Variants in KIT observed in about 807,000 individuals in gnomAD.
KIT encodes mast/stem cell growth factor receptor Kit.
A neutral mutation model predicts 105.7 loss-of-function variants in KIT; 16 were observed. The ratio of observed to expected loss-of-function variants is 0.15; its 90% CI spans 0.10 to 0.23. The LOEUF (loss-of-function observed/expected upper bound fraction) is 0.23. Among genes scored for constraint, KIT ranks in the 10% least tolerant of loss-of-function variants. The pLI is 1.00. For missense variants in KIT, 858 were observed against 1,213.8 expected (o/e 0.71, Z 4.36); for synonymous variants, 438 against 441.1 (o/e 0.99, Z 0.09).
rs1723169219 is a variant in KIT, at chr4:54,740,274, A to C, written c.*1717A>C. 1 of 233,428 alleles carries C rather than the reference A, an allele frequency of 4.3e-6. No individual in the cohort carries two copies. Among genetic ancestry groups the C allele is most frequent in the Admixed American group, 5.6e-5 (1 of 17,788 alleles). 14.5% of individuals were successfully genotyped at this position (233,428 alleles called of 1,614,324 possible). On this transcript the variant is annotated 3_prime_UTR_variant, in exon 21 of 21. Coordinates refer to ENST00000288135, the MANE Select transcript of KIT (RefSeq NM_000222.3). The stretch of plus-strand genomic sequence containing the variant: ...GATTTTGGGGTTGTGTTGTCACCCA[A>C]GAGATTGTTGTTTGCCATACTTTGT...
At chr4:54,732,024 G>C (rs2109796394) in intron 16 of KIT, 26 bp downstream of exon 16, 9 of 1,204,478 alleles carry the variant, frequency 7.5e-6, no homozygotes, top group Non-Finnish European at 1.1e-5. Context: ...TCTCTAAAGA[G>C]TTTTGTGTTT....
intron 1 of KIT, among the ~76,000 whole-genome samples, chr4:54,693,559 G>A (rs952546497): frequency 6.6e-6 from 1 of 152,064 alleles, no homozygotes; most frequent in Non-Finnish European, 1.5e-5. Context: ...CCCATTACTG[G>A]CCAGGTTGTA....
At chr4:54,699,608 G>A (rs1420437645) in intron 3 of KIT, 22 bp from the exon 4 acceptor site, 5 of 1,613,358 alleles carry the variant, frequency 3.1e-6, no homozygotes, top group Non-Finnish European at 4.2e-6. Context: ...TATTTGAGGG[G>A]CCACATTTCT....
chr4:54,686,075 T>G (rs1397550091), intron 1 of KIT, among the ~76,000 whole-genome samples: 2 of 152,218 alleles, frequency 1.3e-5, no homozygotes, highest in Non-Finnish European at 2.9e-5. Context: ...GTTACACAAG[T>G]GCTTGCTTTG....
chr4:54,684,170 T>A (rs890299469), intron 1 of KIT, among the ~76,000 whole-genome samples: 13 of 137,802 alleles, frequency 9.4e-5, no homozygotes, highest in Non-Finnish European at 1.4e-4. Context: ...CACAGAGGTG[T>A]GTGGGTGGGG....
intron 1 of KIT, among the ~76,000 whole-genome samples, chr4:54,689,674 T>G (rs1719557103): frequency 6.6e-6 from 1 of 152,200 alleles, no homozygotes; most frequent in Admixed American, 6.5e-5. Context: ...TAGCCGGGCC[T>G]TAAAGAATTG....
intron 1 of KIT, among the ~76,000 whole-genome samples, chr4:54,658,986 A>G (rs2855778): frequency 0.66 from 100,127 of 151,992 alleles, 34,413 homozygotes; most frequent in African/African-American, 0.87. Flanking sequence ...CCCTGACTCC[A>G]ACCGCCTAGC....
intron 1 of KIT, among the ~76,000 whole-genome samples, chr4:54,659,827 G>A (rs866029204): frequency 6.6e-6 from 1 of 152,098 alleles, no homozygotes; most frequent in Non-Finnish European, 1.5e-5. Flanking sequence ...AAGAATCAAT[G>A]GTTTTCTTCT....
intron 7 of KIT, among the ~76,000 whole-genome samples, chr4:54,721,843 A>G (rs1721899691): frequency 6.6e-6 from 1 of 152,260 alleles, no homozygotes; most frequent in Non-Finnish European, 1.5e-5. Context: ...GGGTTAAAAT[A>G]TACACCTTAT....
intron 1 of KIT, among the ~76,000 whole-genome samples, chr4:54,689,426 G>T (rs1719541835): frequency 6.6e-6 from 1 of 152,224 alleles, no homozygotes; most frequent in South Asian, 2.1e-4. Flanking sequence ...GGCAGGGTCA[G>T]TGTGGTTTAA....
At chr4:54,722,865 GTATATATATT>G (rs1721975348) in intron 7 of KIT, among the ~76,000 whole-genome samples, 1 of 100,464 alleles carries the variant, frequency 1.0e-5, no homozygotes, top group Non-Finnish European at 1.9e-5. Flanking sequence ...TTATATATAT[GTATATATATT>G]TATATATATG....
At chr4:54,716,844 C>G (rs1721536237) in intron 7 of KIT, among the ~76,000 whole-genome samples, 1 of 152,166 alleles carries the variant, frequency 6.6e-6, no homozygotes, top group Non-Finnish European at 1.5e-5. Context: ...CTTTCATGCT[C>G]TGTGTCTTCA....
intron 2 of KIT, among the ~76,000 whole-genome samples, chr4:54,696,571 G>C (rs1045767042): frequency 1.3e-5 from 2 of 152,212 alleles, no homozygotes; most frequent in African/African-American, 4.8e-5. Flanking sequence ...CTTATCCATG[G>C]TATTGTGAAT....
Position 54,688,384 on chromosome 4 carries a change from C to A in KIT, c.68-7128C>A, listed in dbSNP as rs549403614. Among the ~76,000 whole-genome samples, 4 of 152,154 alleles carry A rather than the reference C, an allele frequency of 2.6e-5. No individual in the cohort carries two copies. In the East Asian group the frequency reaches 7.7e-4, roughly 29 times the overall value. The stretch of plus-strand genomic sequence containing the variant: ...GTTGAACTACAATGCACAGGCTCTG[C>A]CCCAGTCACAGTTCTTCCTGCTCTA... On this transcript the variant is annotated intron_variant, in intron 1 of 20. Transcript: ENST00000288135.
chr4:54,671,822 C>A (rs1718127108), intron 1 of KIT, among the ~76,000 whole-genome samples: 1 of 152,032 alleles, frequency 6.6e-6, no homozygotes, highest in African/African-American at 2.4e-5. Flanking sequence ...GTAATGAACC[C>A]TCATATAACC....
chr4:54,715,843 A>G lies in KIT; in HGVS notation c.1231+6304A>G, dbSNP rs1167221195. Among the ~76,000 whole-genome samples, 11 of 152,314 alleles carry G rather than the reference A, an allele frequency of 7.2e-5. No individual in the cohort carries two copies. In the East Asian group the frequency reaches 1.9e-3, roughly 27 times the overall value. On this transcript the variant is annotated intron_variant, in intron 7 of 20. Coordinates refer to ENST00000288135, the MANE Select transcript of KIT (RefSeq NM_000222.3). ...GTCACCCACCTGGCTGGAATCTCCA[A>G]CTACCTTTATCCAGAGTAAAATAAT... is the stretch of plus-strand genomic sequence containing the variant.
intron 4 of KIT, among the ~76,000 whole-genome samples, chr4:54,700,930 C>A (rs1241832783): frequency 6.6e-6 from 1 of 152,180 alleles, no homozygotes; most frequent in Non-Finnish European, 1.5e-5. Context: ...TAATGTAATA[C>A]AAAAATAGCT....
intron 17 of KIT, 135 bp downstream of exon 17, chr4:54,733,327 A>C (rs1377690966): frequency 1.1e-6 from 1 of 927,756 alleles, no homozygotes. Context: ...CAAATTAAGT[A>C]TACTTCAGCA....
Position 54,699,703 on chromosome 4 carries a change from G to C in KIT, c.693G>C (p.Val231=), listed in dbSNP as rs552937042. 3.1e-6 allele frequency: 5 copies of C among 1,614,018 alleles called. No individual in the cohort carries two copies. Among genetic ancestry groups the C allele is most frequent in the Middle Eastern group, 1.6e-4 (1 of 6,062 alleles). The part of the protein sequence containing the change: ...YLLREGEEFT[V]TCTIKDVSSS... ...TTAGGGAAGGGGAAGAATTCACAGT[G>C]ACGTGCACAATAAAAGATGTGTCTA... Residue 231 remains valine (V), a synonymous_variant, in exon 4 of 21, where the codon GTG becomes GTC. Coordinates refer to ENST00000288135, the MANE Select transcript of KIT (RefSeq NM_000222.3).
Sources: allele counts gnomAD v4.1 joint callset (sites outside exome capture counted in the v4.1 genomes callset), GRCh38; gene constraint gnomAD v4.1.1; transcripts MANE v1.5; gene names NCBI Gene and HGNC (gene_info 2026-07-23, HGNC 2026-07-21).